Variants in COL8A1 observed in about 807,000 individuals in gnomAD.
The protein encoded by COL8A1 is collagen type VIII alpha 1 chain, also known as collagen alpha-1(VIII) chain.
In COL8A1, 21 loss-of-function variants were observed where a neutral mutation model predicts 42.7. That is an observed-to-expected ratio of 0.49 (90% CI 0.35 to 0.71). COL8A1 has a LOEUF of 0.71. Ranked by LOEUF, COL8A1 falls within the 30% of genes least tolerant of loss-of-function variation. The pLI, the probability that COL8A1 is intolerant of heterozygous loss-of-function variation, is 0.01. For synonymous variants in COL8A1, 367 were observed against 369.1 expected (o/e 0.99, Z 0.06); for missense variants, 788 against 962.4 (o/e 0.82, Z 2.40).
Position 99,795,363 on chromosome 3 carries a change from C to T in COL8A1, c.1462C>T (p.Pro488Ser). ...LLGPKGEPGIPGDQGLQGPPG... is the reference protein window; with the variant it reads ...LLGPKGEPGISGDQGLQGPPG... ...CGGACCTAAGGGAGAGCCAGGAATC[C>T]CAGGGGATCAGGGTTTACAGGGCCC... Residue 488 changes from proline (P) to serine (S), a missense_variant, in exon 4 of 4, where the codon CCA (proline) becomes TCA (serine). By Grantham distance (74) the Pro-to-Ser change is moderately conservative. Coordinates refer to ENST00000652472, the MANE Select transcript of COL8A1 (RefSeq NM_020351.4). 1.3e-6 allele frequency: 2 copies of T among 1,583,302 alleles called. No individual in the cohort carries two copies. Among genetic ancestry groups the T allele is most frequent in the Non-Finnish European group, 1.7e-6 (2 of 1,164,166 alleles).
At chr3:99,704,415 T>G (rs1231029722) in intron 1 of COL8A1, among the ~76,000 whole-genome samples, 2 of 147,606 alleles carry the variant, frequency 1.4e-5, no homozygotes, top group Admixed American at 6.8e-5. Context: ...TTTTTTTCTG[T>G]TTTTTTTTTA....
chr3:99,795,263 G>A lies in COL8A1; in HGVS notation c.1362G>A (p.Leu454=). The change falls in exon 4 of 4, where the codon TTG becomes TTA. Residue 454 remains leucine (L), a synonymous_variant. Transcript: ENST00000652472. The part of the protein sequence containing the change: ...GEVGPPGMRG[L]PGPIGPKGEA... ...TAGGGCCTCCTGGCATGAGGGGTTT[G>A]CCAGGTCCCATAGGGCCCAAGGGGG... 1 of 1,613,052 alleles carries A rather than the reference G, an allele frequency of 6.2e-7. No individual in the cohort carries two copies. Among genetic ancestry groups the A allele is most frequent in the East Asian group, 2.2e-5 (1 of 44,854 alleles).
intron 1 of COL8A1, among the ~76,000 whole-genome samples, chr3:99,639,465 TAAAG>T (rs1280500764): frequency 6.6e-6 from 1 of 152,232 alleles, no homozygotes; most frequent in African/African-American, 2.4e-5. Context: ...CAGATGGTTG[TAAAG>T]AAAGATCAGC....
At chr3:99,762,476 A>T (rs911860674) in intron 2 of COL8A1, among the ~76,000 whole-genome samples, 1 of 152,206 alleles carries the variant, frequency 6.6e-6, no homozygotes, top group African/African-American at 2.4e-5. Flanking sequence ...TCAAATTTTC[A>T]GACTCTTTGG....
intron 1 of COL8A1, among the ~76,000 whole-genome samples, chr3:99,719,045 C>T (rs1336978810): frequency 6.6e-6 from 1 of 152,068 alleles, no homozygotes; most frequent in Non-Finnish European, 1.5e-5. Flanking sequence ...GGGCAAGTTA[C>T]TTACCATTCC....
At chr3:99,707,654 C>T (rs1939718614) in intron 1 of COL8A1, among the ~76,000 whole-genome samples, 1 of 152,120 alleles carries the variant, frequency 6.6e-6, no homozygotes, top group African/African-American at 2.4e-5. Flanking sequence ...GGGCCCACGC[C>T]CTGCCGAACT....
intron 1 of COL8A1, chr3:99,679,862 A>G (rs1256859625): frequency 6.6e-6 from 1 of 152,222 alleles, no homozygotes; most frequent in African/African-American, 2.4e-5. Flanking sequence ...AAAGATACAT[A>G]AATATGGATT....
intron 1 of COL8A1, among the ~76,000 whole-genome samples, chr3:99,644,563 T>C (rs1937609557): frequency 6.6e-6 from 1 of 152,222 alleles, no homozygotes; most frequent in Non-Finnish European, 1.5e-5. Flanking sequence ...TGACAATTAT[T>C]TCCATATCTC....
At chr3:99,696,091 AC>A (rs1939359014) in intron 1 of COL8A1, among the ~76,000 whole-genome samples, 3 of 152,224 alleles carry the variant, frequency 2.0e-5, no homozygotes, top group African/African-American at 7.2e-5. Flanking sequence ...CCAAGATTGC[AC>A]CACTGCACTC....
intron 2 of COL8A1, among the ~76,000 whole-genome samples, chr3:99,769,945 C>A (rs993480318): frequency 2.0e-5 from 3 of 152,060 alleles, no homozygotes; most frequent in African/African-American, 7.2e-5. Flanking sequence ...GACAGATTGA[C>A]AAGAGAAAAT....
In COL8A1 at chr3:99,766,662, T is replaced by A. The variant is rs199932229; in HGVS notation, c.-4+21641T>A. ...CAGTACCACTGACAGTTAAAGTTGA[T>A]GTCCTGGCCAGATGCAGTGGCTCAC... On this transcript the variant is annotated intron_variant, in intron 2 of 3. Transcript: ENST00000652472. Among the ~76,000 whole-genome samples, 18 of 152,326 alleles carry A rather than the reference T, an allele frequency of 1.2e-4. No individual in the cohort carries two copies. In the East Asian group the frequency reaches 3.5e-3, roughly 29 times the overall value.
At chr3:99,734,563 T>C (rs1000308525) in intron 1 of COL8A1, among the ~76,000 whole-genome samples, 19 of 152,042 alleles carry the variant, frequency 1.2e-4, no homozygotes, top group African/African-American at 4.6e-4. Flanking sequence ...CCTTGTAGTA[T>C]AGTTTGAAGT....
At chr3:99,734,626 G>T (rs955031737) in intron 1 of COL8A1, among the ~76,000 whole-genome samples, 5 of 151,932 alleles carry the variant, frequency 3.3e-5, no homozygotes, top group Non-Finnish European at 5.9e-5. Context: ...TTGACTTGGC[G>T]ATGCGGGCTT....
Position 99,733,027 on chromosome 3 carries a change from G to A in COL8A1, c.-128-11870G>A, listed in dbSNP as rs140636258. Among the ~76,000 whole-genome samples the A allele has an allele frequency of 5.7e-4, 86 of 151,568 alleles. 2 individuals carry two copies. The East Asian group carries it at 7.9e-3, about 14-fold the overall frequency. ...CCTTTGTCTCAATGTCTCATATCCGGGTCATGCCGATGCAAAATGTCAGCT... is the reference window on the plus strand; with the variant it reads ...CCTTTGTCTCAATGTCTCATATCCGAGTCATGCCGATGCAAAATGTCAGCT... On this transcript the variant is annotated intron_variant, in intron 1 of 3. Coordinates refer to ENST00000652472, the MANE Select transcript of COL8A1 (RefSeq NM_020351.4).
chr3:99,754,092 A>G (rs939397917), intron 2 of COL8A1, among the ~76,000 whole-genome samples: 1 of 152,238 alleles, frequency 6.6e-6, no homozygotes, highest in Non-Finnish European at 1.5e-5. Flanking sequence ...CTGAATAAAT[A>G]ATTTTTTTCT....
At chr3:99,693,410 G>A (rs1306888167) in intron 1 of COL8A1, among the ~76,000 whole-genome samples, 1 of 152,234 alleles carries the variant, frequency 6.6e-6, no homozygotes, top group Non-Finnish European at 1.5e-5. Flanking sequence ...AGTTCCATGT[G>A]TATTACTGTC....
intron 1 of COL8A1, among the ~76,000 whole-genome samples, chr3:99,735,796 T>A (rs2107392349): frequency 6.6e-6 from 1 of 152,236 alleles, no homozygotes; most frequent in South Asian, 2.1e-4. Flanking sequence ...TCTTTTTGCT[T>A]GGTAAGCTAT....
chr3:99,707,173 A>G (rs1377194746), intron 1 of COL8A1: 1 of 152,214 alleles, frequency 6.6e-6, no homozygotes, highest in East Asian at 1.9e-4. Context: ...GCCACAGGTA[A>G]GGCCCCGGTC....
rs1938912660 is a variant in COL8A1 at position 99,682,387 on chromosome 3, C to T, written c.-129+43723C>T. On this transcript the variant is annotated intron_variant, in intron 1 of 3. Coordinates refer to ENST00000652472, the MANE Select transcript of COL8A1 (RefSeq NM_020351.4). ...GAGCCAAGATTGTGCCACTGCACTC[C>T]AGCCTGGATGACAGAGCAAGGCCCT... 5.9e-5 allele frequency among the ~76,000 whole-genome samples: 9 copies of T among 152,104 alleles called. No homozygotes were observed. In the South Asian group the frequency reaches 1.9e-3, roughly 32 times the overall value.
Sources: allele counts gnomAD v4.1 joint callset (sites outside exome capture counted in the v4.1 genomes callset), GRCh38; gene constraint gnomAD v4.1.1; transcripts MANE v1.5; gene names NCBI Gene and HGNC (gene_info 2026-07-23, HGNC 2026-07-21).